TEAD3: variants seen among roughly 807,000 people sequenced by gnomAD.
TEAD3 encodes TEA domain transcription factor 3.
In TEAD3, 15 loss-of-function variants were observed where a neutral mutation model predicts 55.6. The ratio of observed to expected loss-of-function variants is 0.27; its 90% CI spans 0.18 to 0.42. TEAD3 has a LOEUF of 0.42. Among genes scored for constraint, TEAD3 ranks in the 10% least tolerant of loss-of-function variants. The pLI is 1.00. For synonymous variants in TEAD3, 210 were observed against 232.2 expected, an observed-to-expected ratio of 0.90 and a Z score of 0.87; for missense variants, 407 against 576.8, an observed-to-expected ratio of 0.71 and a Z score of 3.01.
rs533353236 is a variant in TEAD3, at chr6:35,482,346, C to T, written c.267+2214G>A. ...CACATAAAGACATGCCTTGTCCTCA[C>T]AACCAGAGGACAGATCCCCTTTCAC... On this transcript the variant is annotated intron_variant, in intron 3 of 12. Coordinates refer to ENST00000639578, the Ensembl canonical transcript of TEAD3. Among the ~76,000 whole-genome samples, 3 of 152,334 alleles carry T rather than the reference C, an allele frequency of 2.0e-5. No homozygotes were observed. The South Asian group carries it at 6.2e-4, about 32-fold the overall frequency.
Position 35,484,486 on chromosome 6 carries a change from AG to A in TEAD3, c.267+73del. 6.9e-7 allele frequency: 1 copy of A among 1,448,456 alleles called. No individual in the cohort carries two copies. Among genetic ancestry groups the A allele is most frequent in the South Asian group, 1.2e-5 (1 of 81,968 alleles). The allele number at this position is 1,448,456 out of a possible 1,614,324, so 89.7% of individuals were successfully genotyped here. ...GCAGCCTCGAGGAGGTGGGCAGGGT[AG>A]GGGCAAGGGGTTGACCGGGGCAGCT... On this transcript the variant is annotated intron_variant, in intron 3 of 12. Transcript: ENST00000639578. The surrounding 1 kb of genome is among the most constrained non-coding windows in gnomAD (Gnocchi z 5.8).
downstream of TEAD3, chr6:35,474,141 G>A (rs1033478795): frequency 2.6e-5 from 4 of 152,130 alleles, no homozygotes; most frequent in Admixed American, 6.5e-5. Flanking sequence ...CTGCCCAGAG[G>A]CTGGGACTCC....
At chr6:35,476,232 C>T (rs2150910564) in intron 9 of TEAD3, 70 bp downstream of exon 9, 3 of 1,567,844 alleles carry the variant, frequency 1.9e-6, no homozygotes, top group South Asian at 1.2e-5. Flanking sequence ...TCCTGAGTTG[C>T]AGCCCTGGAT....
chr6:35,484,948 C>T lies in TEAD3; in HGVS notation c.203-324G>A, dbSNP rs992659468. On this transcript the variant is annotated intron_variant, in intron 2 of 12. Transcript: ENST00000639578. This position sits in a 1 kb window ranked among gnomAD's most constrained non-coding sequence, Gnocchi z 5.8. ...GCAGACAGACCGGGTGGCTGTGGTA[C>T]AGGTCAGCAGGACAGTAGCTGAGTA... Among the ~76,000 whole-genome samples the T allele has an allele frequency of 2.6e-5, 4 of 152,146 alleles. No homozygotes were observed. The highest frequency in any genetic ancestry group is 1.3e-4 in the Admixed American group (2 of 15,276).
chr6:35,478,866 TCTC>T (rs895761010), intron 5 of TEAD3, among the ~76,000 whole-genome samples: 1 of 147,430 alleles, frequency 6.8e-6, no homozygotes, highest in African/African-American at 2.5e-5. Flanking sequence ...TGTCATGTAC[TCTC>T]CTATTTTCTT....
intron 5 of TEAD3, among the ~76,000 whole-genome samples, chr6:35,478,911 G>A (rs975216469): frequency 3.1e-5 from 4 of 127,150 alleles, no homozygotes; most frequent in Admixed American, 1.0e-4. Context: ...ACGGAGTCTC[G>A]CTCTGTCACC....
chr6:35,485,096 G>A lies in TEAD3; in HGVS notation c.203-472C>T, dbSNP rs1021306857. Among the ~76,000 whole-genome samples the A allele has an allele frequency of 4.6e-5, 7 of 152,210 alleles. No homozygotes were observed. The highest frequency in any genetic ancestry group is 1.7e-4 in the African/African-American group (7 of 41,446). The stretch of plus-strand genomic sequence containing the variant: ...GGGCGTGTGAATGAGCCTGCCCCAG[G>A]TGGATGTCCTGCCCTTGCTCTGTCT... On this transcript the variant is annotated intron_variant, in intron 2 of 12. Coordinates refer to ENST00000639578, the Ensembl canonical transcript of TEAD3. The surrounding 1 kb of genome is among the most constrained non-coding windows in gnomAD (Gnocchi z 4.3).
At chr6:35,492,769 C>T (rs535546982) in intron 1 of TEAD3, among the ~76,000 whole-genome samples, 1 of 152,152 alleles carries the variant, frequency 6.6e-6, no homozygotes, top group Admixed American at 6.5e-5. Context: ...TGTTGTCACG[C>T]TCCTGCTCCC....
chr6:35,478,364 C>T lies in TEAD3; in HGVS notation c.481-40G>A, dbSNP rs530625328. Reference sequence around the variant, plus strand: ...CAAGGCCCAGGGGCCCCTCAGCATCCATGAACCCCACTAAAGCTCATCCTT... The same window carrying T: ...CAAGGCCCAGGGGCCCCTCAGCATCTATGAACCCCACTAAAGCTCATCCTT... On this transcript the variant is annotated intron_variant, in intron 6 of 12. Coordinates refer to ENST00000639578, the Ensembl canonical transcript of TEAD3. 28 of 1,613,746 alleles carry T rather than the reference C, an allele frequency of 1.7e-5. No homozygotes were observed. In the South Asian group the frequency reaches 3.1e-4, roughly 18 times the overall value.
intron 1 of TEAD3, among the ~76,000 whole-genome samples, chr6:35,495,892 A>T (rs1768634519): frequency 1.3e-5 from 2 of 152,182 alleles, no homozygotes; most frequent in African/African-American, 4.8e-5. Flanking sequence ...CCTACCTGGA[A>T]AGAGGGAAGA....
At chr6:35,489,935 A>G (rs1768472933) in intron 1 of TEAD3, among the ~76,000 whole-genome samples, 1 of 152,094 alleles carries the variant, frequency 6.6e-6, no homozygotes, top group Admixed American at 6.6e-5. Context: ...GGGGTGTGCT[A>G]GCTGGGTGGG....
rs1203652036 is a variant in TEAD3, at chr6:35,475,167, G to T, written c.1195-10C>A. 3 of 1,571,396 alleles carry T rather than the reference G, an allele frequency of 1.9e-6. No homozygotes were observed. The highest frequency in any genetic ancestry group is 1.2e-5 in the South Asian group (1 of 86,166). ...CCCGGCTCGTGACCACCTGGGGGGT[G>T]AGCAGGTAAGAGATTCAGGAGGTCA... On this transcript the variant is annotated splice_polypyrimidine_tract_variant and intron_variant, in intron 12 of 12. Transcript: ENST00000639578. The surrounding 1 kb of genome is among the most constrained non-coding windows in gnomAD (Gnocchi z 5.4).
intron 4 of TEAD3, chr6:35,479,932 G>A (rs1455501476): frequency 3.8e-6 from 3 of 782,036 alleles, no homozygotes; most frequent in Non-Finnish European, 5.6e-6. Context: ...TGCCACTTGT[G>A]TTTCTTTCTG....
downstream of TEAD3, chr6:35,474,871 G>A (rs1269095738): frequency 8.3e-6 from 5 of 600,400 alleles, no homozygotes; most frequent in East Asian, 2.9e-5. Flanking sequence ...CAATTAAAGC[G>A]CAGAACAGTG....
At chr6:35,495,634 AG>A (rs1042251067) in intron 1 of TEAD3, among the ~76,000 whole-genome samples, 2 of 152,090 alleles carry the variant, frequency 1.3e-5, no homozygotes, top group African/African-American at 4.8e-5. Context: ...TCTTGGTGGG[AG>A]GGGGGCTACA....
intron 8 of TEAD3, 117 bp from the exon 9 acceptor site, chr6:35,476,552 T>C (rs1360526417): frequency 1.4e-5 from 17 of 1,172,822 alleles, no homozygotes; most frequent in South Asian, 4.7e-5. Flanking sequence ...GGATTTTGAC[T>C]CCCCTACTAT....
At chr6:35,479,251 T>C (rs1768217480) in intron 5 of TEAD3, 54 bp downstream of exon 5, 1 of 1,599,872 alleles carries the variant, frequency 6.3e-7, no homozygotes, top group Admixed American at 1.7e-5. Flanking sequence ...AAATCCTGTA[T>C]TAGGTGTTAA....
At chr6:35,473,723 G>A (rs1432385910), downstream of TEAD3, 1 of 148,142 alleles carries the variant, frequency 6.8e-6, no homozygotes, top group Non-Finnish European at 1.5e-5. Flanking sequence ...CATCACAGCT[G>A]GATTTTAAAA....
Position 35,475,819 on chromosome 6 carries a change from T to C in TEAD3, c.900+100A>G. ...TCTCTGGCACTCTGCCCACAAGCCA[T>C]GAGGATGCAGCAGGGTCAGAGGTCA... On this transcript the variant is annotated intron_variant, in intron 10 of 12. Transcript: ENST00000639578. The surrounding 1 kb of genome is among the most constrained non-coding windows in gnomAD (Gnocchi z 5.4). The C allele has an allele frequency of 6.6e-7, 1 of 1,504,902 alleles. No individual in the cohort carries two copies. The highest frequency in any genetic ancestry group is 8.9e-7 in the Non-Finnish European group (1 of 1,126,720). The allele number at this position is 1,504,902 out of a possible 1,614,324, so 93.2% of individuals were successfully genotyped here.
Sources: allele counts gnomAD v4.1 joint callset (sites outside exome capture counted in the v4.1 genomes callset), GRCh38; gene constraint gnomAD v4.1.1; non-coding constraint Gnocchi (gnomAD v3.1); transcripts MANE v1.5; gene names NCBI Gene and HGNC (gene_info 2026-07-23, HGNC 2026-07-21).